RAB11FIP5: variants seen among roughly 807,000 people sequenced by gnomAD.
RAB11FIP5 encodes RAB11 family interacting protein 5, also known as rab11 family-interacting protein 5.
In RAB11FIP5, 48 loss-of-function variants were observed where a neutral mutation model predicts 85.1. The observed-to-expected ratio is 0.56, with a 90% CI of 0.45 to 0.72. The LOEUF is 0.72. Ranked by LOEUF, RAB11FIP5 falls within the 30% of genes least tolerant of loss-of-function variation. The pLI, the probability that RAB11FIP5 is intolerant of heterozygous loss-of-function variation, is 0.00. For missense variants in RAB11FIP5, 1,491 were observed against 1,687.0 expected (o/e 0.88, Z 2.04); for synonymous variants, 729 against 727.3 (o/e 1.00, Z -0.04).
Position 73,076,140 on chromosome 2 carries a change from G to A in RAB11FIP5, c.3624C>T (p.Gly1208=), listed in dbSNP as rs753630510. The change falls in exon 5 of 6, where the codon GGC becomes GGT. Residue 1208 remains glycine (G), a synonymous_variant. Transcript: ENST00000486777. The part of the protein sequence containing the change: ...VKPLSAAPVE[G]SPDRKQSRSS... ...AGCGGGACTGCTTCCTGTCGGGGCT[G>A]CCCTCCACAGGGGCGGCACTGAGGG... 6.2e-7 allele frequency: 1 copy of A among 1,613,634 alleles called. No homozygotes were observed. The highest frequency in any genetic ancestry group is 8.5e-7 in the Non-Finnish European group (1 of 1,179,610).
In RAB11FIP5 at chr2:73,088,328, C is replaced by G. The variant is rs140983118; in HGVS notation, c.1290G>C (p.Glu430Asp). The change falls in exon 3 of 6, where the codon GAG becomes GAC. Residue 430 changes from glutamate to aspartate, a missense_variant. Physicochemically the swap from Glu to Asp is conservative, Grantham distance 45. Coordinates refer to ENST00000486777, the MANE Select transcript of RAB11FIP5 (RefSeq NM_001371272.1). ...PGEEEGARLP[E>D]GKPVQVATPI... The stretch of plus-strand genomic sequence containing the variant: ...GTGTGGCAACCTGGACTGGCTTGCC[C>G]TCTGGTAGCCGGGCCCCCTCCTCCT... 4 of 1,613,724 alleles carry G rather than the reference C, an allele frequency of 2.5e-6. No homozygotes were observed. The highest frequency in any genetic ancestry group is 3.4e-6 in the Non-Finnish European group (4 of 1,180,024).
chr2:73,082,318 CTAAAAGCAAAGAAAA>C (rs1419563441), intron 3 of RAB11FIP5, among the ~76,000 whole-genome samples: 10 of 152,196 alleles, frequency 6.6e-5, no homozygotes, highest in Admixed American at 1.3e-4. Context: ...CCTTTTAGGA[CTAAAAGCAAAGAAAA>C]CACCAGCTGG....
In RAB11FIP5 at chr2:73,086,553, C is replaced by A. The variant is rs1432463695; in HGVS notation, c.1568+1497G>T. Reference sequence around the variant, plus strand: ...AGGCCCAGAGACACCGTACGCACAACCACACTGAGCCTGTGCTCTGTGCCC... The same window carrying A: ...AGGCCCAGAGACACCGTACGCACAAACACACTGAGCCTGTGCTCTGTGCCC... On this transcript the variant is annotated intron_variant, in intron 3 of 5. Coordinates refer to ENST00000486777, the MANE Select transcript of RAB11FIP5 (RefSeq NM_001371272.1). This position sits in a 1 kb window ranked among gnomAD's most constrained non-coding sequence, Gnocchi z 4.4. Among the ~76,000 whole-genome samples the A allele has an allele frequency of 6.6e-6, 1 of 152,222 alleles. No individual in the cohort carries two copies. Among genetic ancestry groups the A allele is most frequent in the Admixed American group, 6.5e-5 (1 of 15,288 alleles).
rs1377905854 is a variant in RAB11FIP5 at position 73,086,142 on chromosome 2, C to G, written c.1568+1908G>C. ...CTCAAAGGCCAGGTGTCACATCTGT[C>G]CAGGCCAGGCCATCTTACCCAAAGC... On this transcript the variant is annotated intron_variant, in intron 3 of 5. Transcript: ENST00000486777. The surrounding 1 kb of genome is among the most constrained non-coding windows in gnomAD (Gnocchi z 4.4). Among the ~76,000 whole-genome samples, 1 of 152,206 alleles carries G rather than the reference C, an allele frequency of 6.6e-6. No homozygotes were observed. Among genetic ancestry groups the G allele is most frequent in the Admixed American group, 6.5e-5 (1 of 15,292 alleles).
At position 73,111,745 on chromosome 2, in the gene RAB11FIP5, G is replaced by T. The variant is rs565655452; in HGVS notation, c.431+602C>A. ...GAAGCTCCTCCTATCCTCAGACCAG[G>T]GACACAGGACACAGAGGGACAGGAT... On this transcript the variant is annotated intron_variant, in intron 1 of 5. Coordinates refer to ENST00000486777, the MANE Select transcript of RAB11FIP5 (RefSeq NM_001371272.1). Among the ~76,000 whole-genome samples, 127 of 152,214 alleles carry T rather than the reference G, an allele frequency of 8.3e-4. 5 individuals are homozygous for T. In the South Asian group the frequency reaches 0.025, roughly 30 times the overall value.
In RAB11FIP5 at chr2:73,088,050, C is replaced by G; in HGVS notation, c.1568G>C (p.Ser523Thr). The change falls in exon 3 of 6, where the codon AGC becomes ACC. Residue 523 changes from serine (S) to threonine (T), a missense_variant and splice_region_variant. Physicochemically the swap from Ser to Thr is moderately conservative, Grantham distance 58. Around this residue, in one of 3 missense-constraint regions of RAB11FIP5, gnomAD observed 1,211 missense variants for 1,338.0 expected, o/e 0.91. Coordinates refer to ENST00000486777, the MANE Select transcript of RAB11FIP5 (RefSeq NM_001371272.1). ...AAAGTTGGTCTTGCCAACGACTTACCTGGGTTTCTGAGTCGGGTCCTTGGC... is the reference window on the plus strand; with the variant it reads ...AAAGTTGGTCTTGCCAACGACTTACGTGGGTTTCTGAGTCGGGTCCTTGGC... ...REAKDPTQKP[S>T]LDVSPQVESD... 1 of 1,587,910 alleles carries G rather than the reference C, an allele frequency of 6.3e-7. No individual in the cohort carries two copies. The highest frequency in any genetic ancestry group is 8.6e-7 in the Non-Finnish European group (1 of 1,166,056).
rs1684086335 is a variant in RAB11FIP5, at chr2:73,086,109, T to C, written c.1568+1941A>G. ...AAGGCACACAAGGCCAGGATGCTGCTGATTGAGCTCAAAGGCCAGGTGTCA... is the reference window on the plus strand; with the variant it reads ...AAGGCACACAAGGCCAGGATGCTGCCGATTGAGCTCAAAGGCCAGGTGTCA... On this transcript the variant is annotated intron_variant, in intron 3 of 5. Transcript: ENST00000486777. The surrounding 1 kb of genome is among the most constrained non-coding windows in gnomAD (Gnocchi z 4.4). Among the ~76,000 whole-genome samples, 1 of 152,136 alleles carries C rather than the reference T, an allele frequency of 6.6e-6. No individual in the cohort carries two copies. The highest frequency in any genetic ancestry group is 1.5e-5 in the Non-Finnish European group (1 of 68,020).
rs1055272308 is a variant in RAB11FIP5, at chr2:73,078,330, A to C, written c.3581+1321T>G. On this transcript the variant is annotated intron_variant, in intron 4 of 5. Transcript: ENST00000486777. The surrounding 1 kb of genome is among the most constrained non-coding windows in gnomAD (Gnocchi z 4.4). ...CGTCCACTTCATAACAGAAGGAACA[A>C]GCCCAGTACAGACATGAAGCCAACT... 6.6e-6 allele frequency among the ~76,000 whole-genome samples: 1 copy of C among 152,224 alleles called. No homozygotes were observed. The highest frequency in any genetic ancestry group is 1.5e-5 in the Non-Finnish European group (1 of 68,044).
intron 1 of RAB11FIP5, among the ~76,000 whole-genome samples, chr2:73,092,109 G>C (rs6712925): frequency 0.32 from 49,341 of 152,064 alleles, 9,647 homozygotes; most frequent in East Asian, 0.55. Flanking sequence ...AGTGACCACC[G>C]TGGGCCTGAC....
chr2:73,076,988 C>T (rs766570614), intron 4 of RAB11FIP5, among the ~76,000 whole-genome samples: 32 of 152,152 alleles, frequency 2.1e-4, no homozygotes, highest in Non-Finnish European at 3.2e-4. Flanking sequence ...CTGCTTGCCT[C>T]CCTTTCCCTT....
At position 73,081,324 on chromosome 2, in the gene RAB11FIP5, G is replaced by C. The variant is rs1389799360; in HGVS notation, c.1908C>G (p.Thr636=). ...GGGCTTTCCCAGGGGAGGCCAGGGG[G>C]GTGGGGCTGGCCCTCGAGGCACTGG... The part of the protein sequence containing the change: ...SLPSASRASP[T]PLASPGKALP... The change falls in exon 4 of 6, where the codon ACC becomes ACG. Residue 636 remains threonine (T), a synonymous_variant. Transcript: ENST00000486777. The surrounding 1 kb of genome is among the most constrained non-coding windows in gnomAD (Gnocchi z 4.2). The C allele has an allele frequency of 4.9e-6, 6 of 1,232,958 alleles. No individual in the cohort carries two copies. Among genetic ancestry groups the C allele is most frequent in the Middle Eastern group, 6.2e-4 (2 of 3,224 alleles). 76.4% of individuals were successfully genotyped at this position (1,232,958 alleles called of 1,614,324 possible).
In RAB11FIP5 at chr2:73,074,859, A is replaced by G. The variant is rs1005688226; in HGVS notation, c.*662T>C. 4.9e-5 allele frequency: 13 copies of G among 265,034 alleles called. No individual in the cohort carries two copies. The highest frequency in any genetic ancestry group is 4.8e-4 in the Admixed American group (10 of 21,024). The allele number at this position is 265,034 out of a possible 1,614,324, so 16.4% of individuals were successfully genotyped here. A position where few individuals can be genotyped will look rare whatever the true frequency, so the allele number is the denominator to read the frequency against. On this transcript the variant is annotated 3_prime_UTR_variant, in exon 6 of 6. Coordinates refer to ENST00000486777, the MANE Select transcript of RAB11FIP5 (RefSeq NM_001371272.1). ...CACTCGTGGAAAGGTCAGAGGGGTC[A>G]GGGAGCAGCCTGAAGCACACACATC...
Position 73,112,587 on chromosome 2 carries a change from T to C in RAB11FIP5, c.191A>G (p.His64Arg). Residue 64 changes from histidine to arginine, a missense_variant, in exon 1 of 6, where the codon CAC becomes CGC. Around this residue, in one of 3 missense-constraint regions of RAB11FIP5, gnomAD observed 1,211 missense variants for 1,338.0 expected, o/e 0.91. Transcript: ENST00000486777. Reference protein sequence around the residue: ...KYSTSVVEKTHGCPEWREECS... With the variant: ...KYSTSVVEKTRGCPEWREECS... ...CTCCTCACGCCACTCGGGGCAGCCG[T>C]GCGTCTTCTCCACCACCGACGTACT... 1 of 1,598,144 alleles carries C rather than the reference T, an allele frequency of 6.3e-7. No individual in the cohort carries two copies. Among genetic ancestry groups the C allele is most frequent in the South Asian group, 1.1e-5 (1 of 88,516 alleles).
At position 73,073,599 on chromosome 2, in the gene RAB11FIP5, C is replaced by G. The variant is rs907970249; in HGVS notation, c.*1922G>C. ...AAACTCCTCTGAAGCCATCCATGCC[C>G]TGGGCATTAGGGAGGCCCACAAAGG... is the stretch of plus-strand genomic sequence containing the variant. On this transcript the variant is annotated 3_prime_UTR_variant, in exon 6 of 6. Transcript: ENST00000486777. 1 of 152,246 alleles carries G rather than the reference C, an allele frequency of 6.6e-6. No homozygotes were observed. Among genetic ancestry groups the G allele is most frequent in the Non-Finnish European group, 1.5e-5 (1 of 68,028 alleles). The allele number at this position is 152,246 out of a possible 1,614,324, so 9.4% of individuals were successfully genotyped here. A position where few individuals can be genotyped will look rare whatever the true frequency, so the allele number is the denominator to read the frequency against.
intron 1 of RAB11FIP5, among the ~76,000 whole-genome samples, chr2:73,109,288 G>A (rs147164491): frequency 8.7e-4 from 133 of 152,162 alleles, no homozygotes; most frequent in African/African-American, 3.0e-3. Context: ...CAAGACCTTC[G>A]GAGGCTGCTG....
At chr2:73,106,584 A>G (rs763995005) in intron 1 of RAB11FIP5, among the ~76,000 whole-genome samples, 6 of 152,066 alleles carry the variant, frequency 3.9e-5, no homozygotes. Flanking sequence ...GTCAGCAGAG[A>G]AGCCCAATGT....
rs1374669678 is a variant in RAB11FIP5, at chr2:73,078,931, G to A, written c.3581+720C>T. On this transcript the variant is annotated intron_variant, in intron 4 of 5. Transcript: ENST00000486777. The surrounding 1 kb of genome is among the most constrained non-coding windows in gnomAD (Gnocchi z 4.4). The stretch of plus-strand genomic sequence containing the variant: ...CTTCCAAACCTCCCAATGCCACAGT[G>A]AGCACAGTCACACAGGCATCCGCTG... 6.6e-6 allele frequency among the ~76,000 whole-genome samples: 1 copy of A among 152,182 alleles called. No homozygotes were observed. Among genetic ancestry groups the A allele is most frequent in the Non-Finnish European group, 1.5e-5 (1 of 68,034 alleles).
Position 73,088,802 on chromosome 2 carries a change from G to A in RAB11FIP5, c.869-53C>T, listed in dbSNP as rs565594616. ...CGCAGGAAGAGAGGCCCCATTTCCT[G>A]GCCCCAGGCCTTCATCACCACCCAA... On this transcript the variant is annotated intron_variant, in intron 2 of 5. Coordinates refer to ENST00000486777, the MANE Select transcript of RAB11FIP5 (RefSeq NM_001371272.1). 1.6e-5 allele frequency: 25 copies of A among 1,534,678 alleles called. No homozygotes were observed. The South Asian group carries it at 3.0e-4, about 18-fold the overall frequency.
chr2:73,088,263 C>A lies in RAB11FIP5; in HGVS notation c.1355G>T (p.Gly452Val), dbSNP rs200575843. The change falls in exon 3 of 6, where the codon GGA (glycine) becomes GTA (valine). Residue 452 changes from glycine to valine, a missense_variant. Around this residue, in one of 3 missense-constraint regions of RAB11FIP5, gnomAD observed 1,211 missense variants for 1,338.0 expected, o/e 0.91. Transcript: ENST00000486777. ...GGGCTTGCGTTCCTCCTTCCGGGCT[C>A]CCTCCTTCTCTGCCACAGCCTCAGA... The part of the protein sequence containing the change: ...ASSEAVAEKE[G>V]ARKEERKPRM... 6.2e-7 allele frequency: 1 copy of A among 1,613,802 alleles called. No individual in the cohort carries two copies. Among genetic ancestry groups the A allele is most frequent in the Admixed American group, 1.7e-5 (1 of 60,012 alleles).
Sources: gnomAD v4.1 joint callset for allele counts (sites outside exome capture counted in the v4.1 genomes callset) on GRCh38, gnomAD v4.1.1 for gene constraint, gnomAD v4.1.1 regional missense constraint, Gnocchi (gnomAD v3.1) non-coding constraint, MANE v1.5 for transcripts, NCBI Gene and HGNC (gene_info 2026-07-23, HGNC 2026-07-21) for gene names.